The following RASSF6 variants were observed in gnomAD, a reference collection of about 807,000 sequenced individuals.
RASSF6 encodes the protein Ras association domain family member 6, also known as ras association domain-containing protein 6.
RASSF6 carries 52 observed loss-of-function variants against 44.0 expected under a neutral mutation model. That is an observed-to-expected ratio of 1.18 (90% CI 0.95 to 1.49). RASSF6 has a LOEUF of 1.49. Ranked by LOEUF, RASSF6 falls within the 40% of genes most tolerant of loss-of-function variation. The pLI, the probability that RASSF6 is intolerant of heterozygous loss-of-function variation, is 0.00. For synonymous variants in RASSF6, 162 were observed against 124.6 expected (o/e 1.30, Z -2.00); for missense variants, 464 against 393.3 (o/e 1.18, Z -1.52).
chr4:73,589,970 T>A (rs922583439), intron 4 of RASSF6, among the ~76,000 whole-genome samples: 1 of 152,238 alleles, frequency 6.6e-6, no homozygotes, highest in African/African-American at 2.4e-5. Flanking sequence ...TTGTGCTCTT[T>A]ATGTTATTCT....
chr4:73,604,884 C>CT (rs35609056), intron 2 of RASSF6, among the ~76,000 whole-genome samples: 63,281 of 138,238 alleles, frequency 0.46, 14,115 homozygotes, highest in Admixed American at 0.52. Flanking sequence ...CATTTTCTTT[C>CT]TTTTTTTTTT....
chr4:73,587,225 A>G (rs1401863380), intron 5 of RASSF6, among the ~76,000 whole-genome samples: 1 of 152,112 alleles, frequency 6.6e-6, no homozygotes, highest in Non-Finnish European at 1.5e-5. Context: ...CACCATTATG[A>G]TTATAACTAC....
chr4:73,617,481 A>C (rs762166083), intron 1 of RASSF6, among the ~76,000 whole-genome samples: 3 of 152,026 alleles, frequency 2.0e-5, no homozygotes. Flanking sequence ...GAACTCAAAA[A>C]TTTTCTGCTT....
chr4:73,576,671 G>A lies in RASSF6; in HGVS notation c.782C>T (p.Ser261Phe). 6.2e-7 allele frequency: 1 copy of A among 1,613,830 alleles called. No homozygotes were observed. The highest frequency in any genetic ancestry group is 8.5e-7 in the Non-Finnish European group (1 of 1,179,810). ...PLLQRLLQGP[S>F]EKNARIFLMD... Reference sequence around the variant, plus strand: ...GAGGAAAATGCGAGCATTCTTTTCAGAAGGTCCCTGTAGGAGCCTCTGCAG... The same window carrying A: ...GAGGAAAATGCGAGCATTCTTTTCAAAAGGTCCCTGTAGGAGCCTCTGCAG... Residue 261 changes from serine to phenylalanine, a missense_variant, in exon 9 of 11, where the codon TCT (serine) becomes TTT (phenylalanine). Coordinates refer to ENST00000307439, the MANE Select transcript of RASSF6 (RefSeq NM_177532.5).
intron 6 of RASSF6, among the ~76,000 whole-genome samples, chr4:73,583,596 C>T (rs1487282023): frequency 6.6e-6 from 1 of 151,998 alleles, no homozygotes; most frequent in African/African-American, 2.4e-5. Context: ...CCTAGATGTC[C>T]GTCATTGTAT....
At chr4:73,596,714 T>C (rs1724964315) in intron 3 of RASSF6, among the ~76,000 whole-genome samples, 1 of 152,174 alleles carries the variant, frequency 6.6e-6, no homozygotes, top group Non-Finnish European at 1.5e-5. Context: ...ACTACCTGTC[T>C]TCAAACTATA....
intron 2 of RASSF6, among the ~76,000 whole-genome samples, chr4:73,604,920 G>T (rs370545534): frequency 7.5e-6 from 1 of 132,580 alleles, no homozygotes; most frequent in Admixed American, 8.3e-5. Flanking sequence ...ATGGAGTTTC[G>T]CTCTTATTGC....
intron 6 of RASSF6, among the ~76,000 whole-genome samples, chr4:73,584,748 T>G (rs543356944): frequency 9.9e-5 from 15 of 152,258 alleles, no homozygotes; most frequent in African/African-American, 3.1e-4. Context: ...CCGTGCTGGC[T>G]GAGACATCGG....
intron 6 of RASSF6, 144 bp downstream of exon 6, chr4:73,585,036 C>A: frequency 1.9e-6 from 1 of 513,104 alleles, no homozygotes; most frequent in South Asian, 4.2e-5. Flanking sequence ...ACTTTAATAT[C>A]TAGCACATAG....
At chr4:73,615,716 A>C (rs1726310472) in intron 1 of RASSF6, among the ~76,000 whole-genome samples, 1 of 152,254 alleles carries the variant, frequency 6.6e-6, no homozygotes, top group Non-Finnish European at 1.5e-5. Flanking sequence ...GTCCTGGAGA[A>C]ATCAACAGCA....
intron 1 of RASSF6, among the ~76,000 whole-genome samples, chr4:73,617,921 T>A (rs1049673188): frequency 6.6e-6 from 1 of 152,190 alleles, no homozygotes; most frequent in Non-Finnish European, 1.5e-5. Flanking sequence ...CATGTAACTC[T>A]AGTAACCGTG....
chr4:73,611,749 T>C lies in RASSF6; in HGVS notation c.47A>G (p.Glu16Gly). The C allele has an allele frequency of 1.9e-6, 3 of 1,607,476 alleles. No individual in the cohort carries two copies. The highest frequency in any genetic ancestry group is 2.6e-6 in the Non-Finnish European group (3 of 1,174,446). ...TGGTTACCTGGTTATGAATGTCTTC[T>C]CATTAATGAAGATCCAAGAGGGGTA... ...HQYPSWIFIN[E>G]KTFITREQLN... Residue 16 changes from glutamate (E) to glycine (G), a missense_variant, in exon 2 of 11, where the codon GAG becomes GGG. By Grantham distance (98) the Glu-to-Gly change is moderately conservative (BLOSUM62 -2). Transcript: ENST00000307439.
intron 1 of RASSF6, among the ~76,000 whole-genome samples, chr4:73,613,687 T>C (rs774593958): frequency 1.3e-5 from 2 of 152,186 alleles, no homozygotes; most frequent in African/African-American, 2.4e-5. Flanking sequence ...TTAGCAACAT[T>C]TGACAAGATT....
rs760187564 is a variant in RASSF6 at position 73,587,840 on chromosome 4, C to A, written c.382G>T (p.Asp128Tyr). The A allele has an allele frequency of 2.5e-6, 4 of 1,596,126 alleles. No homozygotes were observed. In the African/African-American group the frequency reaches 4.0e-5, roughly 16 times the overall value. The change falls in exon 5 of 11, where the codon GAC becomes TAC. Residue 128 changes from aspartate to tyrosine, a missense_variant and splice_region_variant. Transcript: ENST00000307439. The part of the protein sequence containing the change: ...PMSEKRNSQE[D>Y]YLSYHSNTLK... ...CAATCAATAAGATTTTGATACTGAC[C>A]TTCCTGGGAATTCCTTTTTTCAGAC...
At chr4:73,590,197 A>G (rs1724434001) in intron 4 of RASSF6, among the ~76,000 whole-genome samples, 1 of 152,192 alleles carries the variant, frequency 6.6e-6, no homozygotes, top group Non-Finnish European at 1.5e-5. Flanking sequence ...AAAAAAACTG[A>G]TTTTTTAAAA....
chr4:73,572,415 C>T lies in RASSF6; in HGVS notation c.*3820G>A, dbSNP rs1722969007. The T allele has an allele frequency of 6.6e-6, 1 of 151,990 alleles. No individual in the cohort carries two copies. The highest frequency in any genetic ancestry group is 6.5e-5 in the Admixed American group (1 of 15,270). 9.4% of individuals were successfully genotyped at this position (151,990 alleles called of 1,614,324 possible). ...AGTACATTTTTAAATGTTCTCACCA[C>T]AAAGAAATTATAAGAGGTTATGGAT... On this transcript the variant is annotated 3_prime_UTR_variant, in exon 11 of 11. Coordinates refer to ENST00000307439, the MANE Select transcript of RASSF6 (RefSeq NM_177532.5).
At chr4:73,587,166 T>A (rs1371081098) in intron 5 of RASSF6, among the ~76,000 whole-genome samples, 2 of 151,964 alleles carry the variant, frequency 1.3e-5, no homozygotes, top group Non-Finnish European at 1.5e-5. Flanking sequence ...CTTACCAGAG[T>A]CTCATCAGAT....
intron 4 of RASSF6, among the ~76,000 whole-genome samples, chr4:73,590,177 GTCAGAGC>G (rs1724431973): frequency 1.3e-5 from 2 of 152,184 alleles, no homozygotes; most frequent in Admixed American, 6.5e-5. Context: ...ATAACAAGTG[GTCAGAGC>G]TCAAAAAAAC....
At chr4:73,577,592 C>A (rs1054513920) in intron 8 of RASSF6, among the ~76,000 whole-genome samples, 8 of 152,244 alleles carry the variant, frequency 5.3e-5, no homozygotes, top group South Asian at 4.1e-4. Flanking sequence ...CCAGCCTCCC[C>A]ACAATTAAAG....
Sources: allele counts gnomAD v4.1 joint callset (sites outside exome capture counted in the v4.1 genomes callset), GRCh38; gene constraint gnomAD v4.1.1; transcripts MANE v1.5; gene names NCBI Gene and HGNC (gene_info 2026-07-23, HGNC 2026-07-21).